The following KALRN variants were observed in gnomAD, a reference collection of about 807,000 sequenced individuals.
KALRN encodes the protein kalirin.
A neutral mutation model predicts 353.7 loss-of-function variants in KALRN; 70 were observed. The ratio of observed to expected loss-of-function variants is 0.20; its 90% CI spans 0.16 to 0.24. The LOEUF (loss-of-function observed/expected upper bound fraction) is 0.24, where lower values mean the gene tolerates loss of function less well. KALRN is among the 10% of genes least tolerant of loss of function. The pLI, the probability that KALRN is intolerant of heterozygous loss-of-function variation, is 1.00. For missense variants in KALRN, 2,791 were observed against 3,756.7 expected, an observed-to-expected ratio of 0.74 and a Z score of 6.72; for synonymous variants, 1,391 against 1,434.8, an observed-to-expected ratio of 0.97 and a Z score of 0.69.
At chr3:124,139,103 G>T (rs551664588) in intron 1 of KALRN, among the ~76,000 whole-genome samples, 66 of 152,254 alleles carry the variant, frequency 4.3e-4, no homozygotes, top group Middle Eastern at 6.8e-3. Context: ...GTAGAGAAGA[G>T]CTCTCCTCTC....
chr3:124,579,572 G>A (rs904197982), intron 34 of KALRN, among the ~76,000 whole-genome samples: 3 of 152,110 alleles, frequency 2.0e-5, no homozygotes, highest in Non-Finnish European at 4.4e-5. Flanking sequence ...TATAAGCGAG[G>A]GGCGGGCACA....
chr3:124,058,813 A>G (rs112979900), intron 1 of KALRN, among the ~76,000 whole-genome samples: 5 of 152,318 alleles, frequency 3.3e-5, no homozygotes, highest in African/African-American at 1.2e-4. Context: ...CAGGCTGAAG[A>G]TGAAAGAGTC....
chr3:124,319,704 G>A (rs2149360691), intron 6 of KALRN, among the ~76,000 whole-genome samples: 1 of 151,874 alleles, frequency 6.6e-6, no homozygotes, highest in South Asian at 2.1e-4. Context: ...TACAAAATAA[G>A]TATTCAGGCC....
intron 14 of KALRN, among the ~76,000 whole-genome samples, chr3:124,421,105 A>T (rs1576784573): frequency 6.6e-6 from 1 of 152,200 alleles, no homozygotes; most frequent in African/African-American, 2.4e-5. Flanking sequence ...CATTGGGTCT[A>T]GATTGTTGGA....
chr3:124,454,771 C>T (rs2059140092), intron 21 of KALRN, among the ~76,000 whole-genome samples: 1 of 152,036 alleles, frequency 6.6e-6, no homozygotes, highest in Non-Finnish European at 1.5e-5. Flanking sequence ...CAACTATTTA[C>T]TTAGTATTTA....
At chr3:124,283,793 G>A (rs2075572973) in intron 5 of KALRN, among the ~76,000 whole-genome samples, 1 of 144,784 alleles carries the variant, frequency 6.9e-6, no homozygotes, top group African/African-American at 2.5e-5. Flanking sequence ...TCTCCAGACA[G>A]CTGCTGAACT....
intron 9 of KALRN, among the ~76,000 whole-genome samples, chr3:124,345,166 C>T (rs9817145): frequency 0.018 from 2,708 of 152,272 alleles, 48 homozygotes; most frequent in African/African-American, 0.042. Flanking sequence ...CATTCATAAA[C>T]GACCACTGGT....
intron 51 of KALRN, among the ~76,000 whole-genome samples, chr3:124,682,155 G>A (rs1194780737): frequency 6.6e-6 from 1 of 152,134 alleles, no homozygotes; most frequent in African/African-American, 2.4e-5. Flanking sequence ...AGAAAATGAT[G>A]AGGAGTGCAT....
intron 3 of KALRN, among the ~76,000 whole-genome samples, chr3:124,248,715 A>G (rs2070698113): frequency 6.6e-6 from 1 of 152,206 alleles, no homozygotes; most frequent in Non-Finnish European, 1.5e-5. Context: ...CATTTGTTCT[A>G]GGTCAAGTGA....
In KALRN at chr3:124,662,546, C is replaced by A. The variant is rs555080066; in HGVS notation, c.6345+618C>A. 3.9e-5 allele frequency among the ~76,000 whole-genome samples: 6 copies of A among 152,176 alleles called. No individual in the cohort carries two copies. In the East Asian group the frequency reaches 9.6e-4, roughly 24 times the overall value. Reference sequence around the variant, plus strand: ...GCTATGTGATAGAAGTGGAATTAGGCAGGAGAATGGAACACCTGTTTTTTG... The same window carrying A: ...GCTATGTGATAGAAGTGGAATTAGGAAGGAGAATGGAACACCTGTTTTTTG... On this transcript the variant is annotated intron_variant, in intron 45 of 59. Transcript: ENST00000682506.
At chr3:124,678,121 G>T in intron 49 of KALRN, 69 bp from the exon 50 acceptor site, 1 of 1,567,882 alleles carries the variant, frequency 6.4e-7, no homozygotes. Context: ...ACCCAAGGGT[G>T]GTGAGCCCGC....
intron 34 of KALRN, among the ~76,000 whole-genome samples, chr3:124,585,955 C>T (rs1443405904): frequency 3.9e-5 from 6 of 152,208 alleles, no homozygotes; most frequent in Admixed American, 3.3e-4. Flanking sequence ...CTCTGTGCCA[C>T]AAACACACAA....
intron 32 of KALRN, among the ~76,000 whole-genome samples, chr3:124,495,957 GTATGTA>G (rs1454017798): frequency 0.1 from 4,587 of 43,842 alleles, 430 homozygotes; most frequent in African/African-American, 0.13. Context: ...GTGTGTATGT[GTATGTA>G]TGTATATATA....
intron 1 of KALRN, among the ~76,000 whole-genome samples, chr3:124,044,608 T>C (rs1373776005): frequency 1.4e-5 from 2 of 141,956 alleles, no homozygotes; most frequent in Non-Finnish European, 3.0e-5. Context: ...AGTGAGACTC[T>C]GTCTCCAAAA....
chr3:124,210,084 CTT>C (rs2076774794), intron 1 of KALRN, among the ~76,000 whole-genome samples: 1 of 152,142 alleles, frequency 6.6e-6, no homozygotes, highest in South Asian at 2.1e-4. Context: ...GTTAAATGAC[CTT>C]AAGCAGATTA....
chr3:124,345,876 A>G (rs1369212601), intron 9 of KALRN, among the ~76,000 whole-genome samples: 8 of 152,190 alleles, frequency 5.3e-5, no homozygotes, highest in Non-Finnish European at 1.2e-4. Context: ...CCATACCTGT[A>G]GTCAATGGAA....
chr3:124,322,129 C>G (rs1283486526), intron 6 of KALRN, among the ~76,000 whole-genome samples: 1 of 152,168 alleles, frequency 6.6e-6, no homozygotes, highest in African/African-American at 2.4e-5. Context: ...CTGAAGGACT[C>G]AGGGGTCCAT....
chr3:124,468,557 A>T (rs1252910569), intron 25 of KALRN, among the ~76,000 whole-genome samples: 1 of 152,180 alleles, frequency 6.6e-6, no homozygotes, highest in African/African-American at 2.4e-5. Context: ...CCCACTCCAA[A>T]TGCCTTTGGT....
chr3:124,203,217 C>T lies in KALRN; in HGVS notation c.74-24773C>T, dbSNP rs534270472. Reference sequence around the variant, plus strand: ...TTTGGGGTGCCAACATTCTCCCTGACCAGGGAGGGAAAGCTCCCAGGGACA... The same window carrying T: ...TTTGGGGTGCCAACATTCTCCCTGATCAGGGAGGGAAAGCTCCCAGGGACA... On this transcript the variant is annotated intron_variant, in intron 1 of 59. Transcript: ENST00000682506. Among the ~76,000 whole-genome samples the T allele has an allele frequency of 1.1e-4, 17 of 152,292 alleles. No individual in the cohort carries two copies. The South Asian group carries it at 3.5e-3, about 32-fold the overall frequency.
Sources: gnomAD v4.1 joint callset for allele counts (sites outside exome capture counted in the v4.1 genomes callset) on GRCh38, gnomAD v4.1.1 for gene constraint, MANE v1.5 for transcripts, NCBI Gene and HGNC (gene_info 2026-07-23, HGNC 2026-07-21) for gene names.